The following PTPRZ1 variants were observed in gnomAD, a reference collection of about 807,000 sequenced individuals.
PTPRZ1 encodes the protein receptor-type tyrosine-protein phosphatase zeta.
Under a neutral mutation model 214.1 loss-of-function variants are expected in PTPRZ1, and 82 were observed. The observed-to-expected ratio is 0.38, with a 90% CI of 0.32 to 0.46. The LOEUF (loss-of-function observed/expected upper bound fraction) is 0.46. PTPRZ1 is among the 20% of genes least tolerant of loss of function. The probability of loss-of-function intolerance (pLI) is 1.00; values close to 1 mark genes in which losing one functional copy is unlikely to be tolerated. For synonymous variants in PTPRZ1, 945 were observed against 987.9 expected (o/e 0.96, Z 0.81); for missense variants, 2,603 against 2,748.7 (o/e 0.95, Z 1.19).
chr7:121,985,694 T>C (rs927512185), intron 8 of PTPRZ1, among the ~76,000 whole-genome samples: 5 of 152,248 alleles, frequency 3.3e-5, no homozygotes, highest in African/African-American at 1.2e-4. Flanking sequence ...ACTCTGCTTC[T>C]GTCCCCCTAA....
intron 2 of PTPRZ1, among the ~76,000 whole-genome samples, chr7:121,944,902 T>A (rs1284244375): frequency 1.3e-5 from 2 of 152,164 alleles, no homozygotes; most frequent in Non-Finnish European, 1.5e-5. Flanking sequence ...TTCGGCCTCC[T>A]TTAGCGCTGG....
rs1798203972 is a variant in PTPRZ1, at chr7:121,998,154, G to A, written c.1240+148G>A. ...TCTGGATTGCCGGGTAATTTTTTGGGGCATGGGACCCATTTCTCATTCAGC... is the reference window on the plus strand; with the variant it reads ...TCTGGATTGCCGGGTAATTTTTTGGAGCATGGGACCCATTTCTCATTCAGC... On this transcript the variant is annotated intron_variant, in intron 10 of 29. Transcript: ENST00000393386. 4.9e-6 allele frequency: 4 copies of A among 818,086 alleles called. No individual in the cohort carries two copies. The Admixed American group carries it at 1.4e-4, about 28-fold the overall frequency. The allele number at this position is 818,086 out of a possible 1,614,324, so 50.7% of individuals were successfully genotyped here.
chr7:121,976,730 G>A (rs1797448427), intron 5 of PTPRZ1, 55 bp from the exon 6 acceptor site: 1 of 1,330,526 alleles, frequency 7.5e-7, no homozygotes, highest in African/African-American at 1.5e-5. Context: ...CATTTTTATT[G>A]AATAGTTATC....
At chr7:121,972,461 C>A in intron 3 of PTPRZ1, 80 bp from the exon 4 acceptor site, 1 of 1,347,224 alleles carries the variant, frequency 7.4e-7, no homozygotes, top group Non-Finnish European at 1.0e-6. Flanking sequence ...TCTTAATGTA[C>A]CTTAAGTAGA....
At chr7:121,997,636 C>T (rs1420615993) in intron 9 of PTPRZ1, among the ~76,000 whole-genome samples, 1 of 147,410 alleles carries the variant, frequency 6.8e-6, no homozygotes, top group Non-Finnish European at 1.5e-5. Context: ...AAAAATGAAA[C>T]TTCCTGAAAC....
intron 23 of PTPRZ1, among the ~76,000 whole-genome samples, chr7:122,045,865 A>C (rs1218448735): frequency 6.6e-6 from 1 of 151,992 alleles, no homozygotes; most frequent in Admixed American, 6.6e-5. Flanking sequence ...GAGATATTTT[A>C]CTCTCTTTCC....
At chr7:121,917,506 C>T (rs762444098) in intron 1 of PTPRZ1, among the ~76,000 whole-genome samples, 4 of 152,092 alleles carry the variant, frequency 2.6e-5, no homozygotes, top group Admixed American at 6.6e-5. Flanking sequence ...TGTCACATTG[C>T]TGTTGCATTT....
chr7:121,984,226 A>T (rs1430611272), intron 8 of PTPRZ1, 109 bp downstream of exon 8: 36 of 986,712 alleles, frequency 3.6e-5, no homozygotes, highest in Non-Finnish European at 4.9e-5. Context: ...AAATGTTTTA[A>T]TTATTAATTT....
chr7:122,005,531 G>T (rs750436684), intron 11 of PTPRZ1, among the ~76,000 whole-genome samples: 10 of 151,744 alleles, frequency 6.6e-5, no homozygotes, highest in Non-Finnish European at 1.0e-4. Context: ...TCTTACAAGG[G>T]ACTATTTTAC....
chr7:122,024,879 C>T (rs1477296002), intron 13 of PTPRZ1, among the ~76,000 whole-genome samples: 2 of 152,184 alleles, frequency 1.3e-5, no homozygotes, highest in African/African-American at 2.4e-5. Flanking sequence ...GGTACATCCT[C>T]TATCGATCCA....
At chr7:122,058,173 C>A (rs938519390) in intron 27 of PTPRZ1, among the ~76,000 whole-genome samples, 3 of 151,748 alleles carry the variant, frequency 2.0e-5, no homozygotes, top group Admixed American at 2.0e-4. Context: ...TGGCCCTTTG[C>A]ACTTTTATGT....
At chr7:122,009,198 A>T (rs907454173) in intron 11 of PTPRZ1, among the ~76,000 whole-genome samples, 2 of 152,224 alleles carry the variant, frequency 1.3e-5, no homozygotes, top group Non-Finnish European at 1.5e-5. Context: ...GCTGTAAATA[A>T]TGAGGCAGCC....
intron 14 of PTPRZ1, among the ~76,000 whole-genome samples, chr7:122,029,036 G>A (rs1195748026): frequency 2.0e-5 from 3 of 151,012 alleles, no homozygotes; most frequent in African/African-American, 7.3e-5. Flanking sequence ...GGAAAAAAAT[G>A]ACAAAAATAA....
chr7:121,960,093 C>T (rs1000257674), intron 2 of PTPRZ1, among the ~76,000 whole-genome samples: 1 of 152,230 alleles, frequency 6.6e-6, no homozygotes, highest in Non-Finnish European at 1.5e-5. Flanking sequence ...GGCTGGGGTA[C>T]AGTGGCATGC....
intron 1 of PTPRZ1, among the ~76,000 whole-genome samples, chr7:121,913,139 T>A (rs1014095304): frequency 2.0e-5 from 3 of 151,936 alleles, no homozygotes; most frequent in Admixed American, 1.3e-4. Flanking sequence ...AGAAAGACCG[T>A]AAAAGTTAAA....
At chr7:121,913,932 C>T (rs1795347365) in intron 1 of PTPRZ1, among the ~76,000 whole-genome samples, 7 of 152,180 alleles carry the variant, frequency 4.6e-5, no homozygotes, top group Admixed American at 4.6e-4. Flanking sequence ...GGAACTCTGC[C>T]TAGAATTATC....
intron 8 of PTPRZ1, among the ~76,000 whole-genome samples, chr7:121,993,572 C>CA (rs66916301): frequency 0.027 from 1,979 of 73,196 alleles, 48 homozygotes; most frequent in African/African-American, 0.063. Context: ...GAGACTGTCT[C>CA]AAAAAAAAAA....
intron 12 of PTPRZ1, among the ~76,000 whole-genome samples, chr7:122,014,347 AC>A (rs1193271683): frequency 6.6e-6 from 1 of 152,118 alleles, no homozygotes; most frequent in African/African-American, 2.4e-5. Flanking sequence ...TGACATAAGC[AC>A]TTCTCTCTGA....
chr7:121,894,599 T>A lies in PTPRZ1; in HGVS notation c.58+21042T>A, dbSNP rs566717692. On this transcript the variant is annotated intron_variant, in intron 1 of 29. Coordinates refer to ENST00000393386, the MANE Select transcript of PTPRZ1 (RefSeq NM_002851.3). ...TTTTGTATTTTTTGTAGAGACACGA[T>A]TTTGCTATGTTGCGTAGGCTCACCT... 2.0e-5 allele frequency among the ~76,000 whole-genome samples: 3 copies of A among 152,224 alleles called. 1 individual carries two copies. In the South Asian group the frequency reaches 6.2e-4, roughly 32 times the overall value.
Sources: gnomAD v4.1 joint callset for allele counts (sites outside exome capture counted in the v4.1 genomes callset) on GRCh38, gnomAD v4.1.1 for gene constraint, MANE v1.5 for transcripts, NCBI Gene and HGNC (gene_info 2026-07-23, HGNC 2026-07-21) for gene names.